TRAPPC10: variants seen among roughly 807,000 people sequenced by gnomAD.
TRAPPC10 encodes the protein TRAPP 130 kDa subunit.
TRAPPC10 carries 23 observed loss-of-function variants against 125.5 expected under a neutral mutation model. That is an observed-to-expected ratio of 0.18 (90% confidence interval 0.13 to 0.26). TRAPPC10 has a LOEUF of 0.26. Among genes scored for constraint, TRAPPC10 ranks in the 10% least tolerant of loss-of-function variants. The probability of loss-of-function intolerance (pLI) is 1.00; values close to 1 mark genes in which losing one functional copy is unlikely to be tolerated. For synonymous variants in TRAPPC10, 509 were observed against 518.0 expected, an observed-to-expected ratio of 0.98 and a Z score of 0.24; for missense variants, 1,123 against 1,308.4, an observed-to-expected ratio of 0.86 and a Z score of 2.19.
chr21:44,063,641 G>A lies in TRAPPC10; in HGVS notation c.894G>A (p.Arg298=), dbSNP rs374306356. The change falls in exon 7 of 23, where the codon AGG becomes AGA. Residue 298 remains arginine (R), a synonymous_variant. Transcript: ENST00000291574. The surrounding 1 kb of genome is among the most constrained non-coding windows in gnomAD (Gnocchi z 4.4). ...TGGAGAAGCGGGAATCGATCCAGAGGCGAGAAGCCACCCTGTTAGATCTGC... is the reference window on the plus strand; with the variant it reads ...TGGAGAAGCGGGAATCGATCCAGAGACGAGAAGCCACCCTGTTAGATCTGC... ...IDMEKRESIQ[R]REATLLDLRS... The A allele has an allele frequency of 1.9e-6, 3 of 1,614,110 alleles. No individual in the cohort carries two copies. Among genetic ancestry groups the A allele is most frequent in the Non-Finnish European group, 2.5e-6 (3 of 1,180,046 alleles).
chr21:44,051,762 T>C (rs1601668533), intron 3 of TRAPPC10, among the ~76,000 whole-genome samples: 1 of 152,222 alleles, frequency 6.6e-6, no homozygotes, highest in African/African-American at 2.4e-5. Context: ...GTTGGGGTGG[T>C]TCCCAGGGGT....
At chr21:44,072,938 C>T (rs1048113662) in intron 7 of TRAPPC10, among the ~76,000 whole-genome samples, 3 of 152,174 alleles carry the variant, frequency 2.0e-5, no homozygotes, top group East Asian at 1.9e-4. Context: ...CCGCTCCAGG[C>T]CTGCTGTGGT....
rs763198333 is a variant in TRAPPC10, at chr21:44,076,590, G to A, written c.1339G>A (p.Ala447Thr). 6.2e-7 allele frequency: 1 copy of A among 1,614,170 alleles called. No individual in the cohort carries two copies. Among genetic ancestry groups the A allele is most frequent in the Admixed American group, 1.7e-5 (1 of 60,030 alleles). Residue 447 changes from alanine (A) to threonine (T), a missense_variant, in exon 10 of 23, where the codon GCA (alanine) becomes ACA (threonine). Physicochemically the swap from Ala to Thr is moderately conservative, Grantham distance 58. This residue lies in a region of TRAPPC10 where 840 missense variants were observed against 902.0 expected (regional missense o/e 0.93). Coordinates refer to ENST00000291574, the MANE Select transcript of TRAPPC10 (RefSeq NM_003274.5). Reference protein sequence around the residue: ...AQSPYKKLKEALSSVEAFEKH... With the variant: ...AQSPYKKLKETLSSVEAFEKH... Reference sequence around the variant, plus strand: ...GAGTCCTTATAAGAAACTGAAAGAAGCATTATCGTCAGTGGAAGCTTTTGA... The same window carrying A: ...GAGTCCTTATAAGAAACTGAAAGAAACATTATCGTCAGTGGAAGCTTTTGA...
At chr21:44,088,625 T>C (rs2038312547) in intron 17 of TRAPPC10, 1 of 155,558 alleles carries the variant, frequency 6.4e-6, no homozygotes, top group Non-Finnish European at 1.4e-5. Context: ...TTGAAGAACC[T>C]GAGGAAGTGT....
At chr21:44,013,455 G>A (rs2031415942) in intron 1 of TRAPPC10, among the ~76,000 whole-genome samples, 1 of 152,192 alleles carries the variant, frequency 6.6e-6, no homozygotes. Flanking sequence ...ATGCATGTAT[G>A]CAGTTAGTTT....
At chr21:44,068,395 C>T (rs2036607475) in intron 7 of TRAPPC10, among the ~76,000 whole-genome samples, 2 of 152,048 alleles carry the variant, frequency 1.3e-5, no homozygotes, top group Non-Finnish European at 2.9e-5. Context: ...AGGGGTGAGG[C>T]AGGCTTTGGG....
At chr21:44,089,581 G>T (rs988058578) in intron 17 of TRAPPC10, 2 of 536,066 alleles carry the variant, frequency 3.7e-6, no homozygotes, top group Admixed American at 4.5e-5. Context: ...CGCCGTTGAG[G>T]TGACTCTGGT....
chr21:44,050,977 T>G lies in TRAPPC10; in HGVS notation c.286-1303T>G, dbSNP rs138364095. Among the ~76,000 whole-genome samples the G allele has an allele frequency of 5.5e-3, 835 of 152,288 alleles. 2 individuals carry two copies. Among genetic ancestry groups the G allele is most frequent in the African/African-American group, 0.019 (795 of 41,540 alleles). On this transcript the variant is annotated intron_variant, in intron 3 of 22. Transcript: ENST00000291574. ...TGGAGTGCAGTGGTGCGATCTTGAC[T>G]CACTACAACCTCCGCCTCCCAGTTC...
rs935763356 is a variant in TRAPPC10 at position 44,092,011 on chromosome 21, G to A, written c.2959G>A (p.Asp987Asn). The part of the protein sequence containing the change: ...SYLVDTGDST[D>N]LQLVPLNTQS... ...TCTTGTAGATACCGGTGATAGTACC[G>A]ACCTGCAACTAGTACCACTGAACAC... The change falls in exon 19 of 23, where the codon GAC becomes AAC. Residue 987 changes from aspartate to asparagine, a missense_variant. This residue lies in a region of TRAPPC10 where 840 missense variants were observed against 902.0 expected (regional missense o/e 0.93). Coordinates refer to ENST00000291574, the MANE Select transcript of TRAPPC10 (RefSeq NM_003274.5). The A allele has an allele frequency of 5.6e-6, 9 of 1,614,080 alleles. No homozygotes were observed. Among genetic ancestry groups the A allele is most frequent in the South Asian group, 1.1e-5 (1 of 91,066 alleles).
intron 3 of TRAPPC10, chr21:44,046,416 A>G: frequency 3.6e-6 from 1 of 277,594 alleles, no homozygotes; most frequent in South Asian, 4.7e-5. Flanking sequence ...CACCACCACC[A>G]GCAATTGTAG....
intron 15 of TRAPPC10, among the ~76,000 whole-genome samples, chr21:44,086,594 A>G (rs925859220): frequency 2.0e-5 from 3 of 152,182 alleles, no homozygotes; most frequent in African/African-American, 4.8e-5. Flanking sequence ...TTTTTTCCCC[A>G]GCAAGGTTCT....
chr21:44,083,072 A>G lies in TRAPPC10; in HGVS notation c.2008A>G (p.Ser670Gly). 6.2e-7 allele frequency: 1 copy of G among 1,614,058 alleles called. No homozygotes were observed. Among genetic ancestry groups the G allele is most frequent in the Non-Finnish European group, 8.5e-7 (1 of 1,180,022 alleles). Reference sequence around the variant, plus strand: ...CGCACCTTTCCCTGTATCCCAAAACAGTTTGCCCGCGCTGGAGTTGTATGA... The same window carrying G: ...CGCACCTTTCCCTGTATCCCAAAACGGTTTGCCCGCGCTGGAGTTGTATGA... ...ETAPFPVSQN[S>G]LPALELYEMF... Residue 670 changes from serine (S) to glycine (G), a missense_variant, in exon 14 of 23, where the codon AGT becomes GGT. By Grantham distance (56) the Ser-to-Gly change is moderately conservative. Coordinates refer to ENST00000291574, the MANE Select transcript of TRAPPC10 (RefSeq NM_003274.5).
At position 44,025,821 on chromosome 21, in the gene TRAPPC10, GGTGTGTGTGTGTGTGTGTGTGTGTGT is replaced by G. The variant is rs59898602; in HGVS notation, c.68-6235_68-6210del. On this transcript the variant is annotated intron_variant, in intron 1 of 22. Coordinates refer to ENST00000291574, the MANE Select transcript of TRAPPC10 (RefSeq NM_003274.5). The stretch of plus-strand genomic sequence containing the variant: ...CTGGGAGAGAGCAGCAGAGGGCAGG[GGTGTGTGTGTGTGTGTGTGTGTGTGT>G]GTGTGTGTGTGTGTGTGTGTGTGTG... Among the ~76,000 whole-genome samples the G allele has an allele frequency of 2.6e-3, 286 of 109,944 alleles. 3 individuals are homozygous for G. Among genetic ancestry groups the G allele is most frequent in the African/African-American group, 6.9e-3 (201 of 29,120 alleles). 72.1% of individuals were successfully genotyped at this position (109,944 alleles called of 152,430 possible).
In TRAPPC10 at chr21:44,082,828, G is replaced by A. The variant is rs150364162; in HGVS notation, c.1764G>A (p.Leu588=). The part of the protein sequence containing the change: ...IVLPMHSFAQ[L]RDLHFDPSNA... ...TACCCATGCATTCCTTTGCACAACT[G>A]CGAGATCTCCATTTTGATCCCTCCA... is the stretch of plus-strand genomic sequence containing the variant. The change falls in exon 14 of 23, where the codon CTG becomes CTA. Residue 588 remains leucine, a synonymous_variant. Coordinates refer to ENST00000291574, the MANE Select transcript of TRAPPC10 (RefSeq NM_003274.5). This position sits in a 1 kb window ranked among gnomAD's most constrained non-coding sequence, Gnocchi z 4.4. The A allele has an allele frequency of 1.3e-3, 2,027 of 1,613,908 alleles. 6 individuals are homozygous for A. Among genetic ancestry groups the A allele is most frequent in the Middle Eastern group, 7.4e-3 (45 of 6,052 alleles).
At chr21:44,046,821 T>C (rs2034854351) in intron 3 of TRAPPC10, 1 of 618,088 alleles carries the variant, frequency 1.6e-6, no homozygotes, top group African/African-American at 1.9e-5. Flanking sequence ...TTTAAGTCTT[T>C]TGATGCATTT....
rs757929026 is a variant in TRAPPC10, at chr21:44,075,000, T to TA, written c.1186-38dup. On this transcript the variant is annotated intron_variant, in intron 8 of 22. Coordinates refer to ENST00000291574, the MANE Select transcript of TRAPPC10 (RefSeq NM_003274.5). ...AATTCTTGAATTCCCTGCTGACTCTTACGGCAAATTAATTGAAATTGTGGA... is the reference window on the plus strand; with the variant it reads ...AATTCTTGAATTCCCTGCTGACTCTTAACGGCAAATTAATTGAAATTGTGGA... The TA allele has an allele frequency of 8.8e-5, 124 of 1,412,776 alleles. 1 individual carries two copies. In the Middle Eastern group the frequency reaches 4.6e-3, roughly 53 times the overall value. 87.5% of individuals were successfully genotyped at this position (1,412,776 alleles called of 1,614,324 possible).
chr21:44,077,473 T>C (rs2037370629), intron 10 of TRAPPC10, among the ~76,000 whole-genome samples: 1 of 152,152 alleles, frequency 6.6e-6, no homozygotes, highest in Non-Finnish European at 1.5e-5. Context: ...TAGTCCCAGC[T>C]ACTTGGGAAG....
intron 6 of TRAPPC10, among the ~76,000 whole-genome samples, chr21:44,061,960 T>C (rs985504561): frequency 6.6e-6 from 1 of 152,212 alleles, no homozygotes; most frequent in Non-Finnish European, 1.5e-5. Flanking sequence ...TGTGATGCCA[T>C]ATACACAACA....
intron 1 of TRAPPC10, among the ~76,000 whole-genome samples, chr21:44,018,735 A>G (rs573145344): frequency 6.6e-6 from 1 of 151,210 alleles, no homozygotes; most frequent in South Asian, 2.1e-4. Flanking sequence ...CACATGAACC[A>G]GTCTTTCCTT....
Sources: allele counts gnomAD v4.1 joint callset (sites outside exome capture counted in the v4.1 genomes callset), GRCh38; gene constraint gnomAD v4.1.1; regional missense constraint gnomAD v4.1.1; non-coding constraint Gnocchi (gnomAD v3.1); transcripts MANE v1.5; gene names NCBI Gene and HGNC (gene_info 2026-07-23, HGNC 2026-07-21).